Variants in MTHFD1L observed in about 807,000 individuals in gnomAD.
MTHFD1L encodes methylenetetrahydrofolate dehydrogenase (NADP+ dependent) 1 like, also known as monofunctional C1-tetrahydrofolate synthase, mitochondrial.
Under a neutral mutation model 119.5 loss-of-function variants are expected in MTHFD1L, and 81 were observed. That is an observed-to-expected ratio of 0.68 (90% CI 0.57 to 0.82). The LOEUF (loss-of-function observed/expected upper bound fraction) is 0.82. Ranked by LOEUF, MTHFD1L falls within the 40% of genes least tolerant of loss-of-function variation. MTHFD1L has a pLI of 0.00. For synonymous variants in MTHFD1L, 430 were observed against 475.2 expected (o/e 0.90, Z 1.24); for missense variants, 1,125 against 1,253.4 (o/e 0.90, Z 1.55).
intron 11 of MTHFD1L, chr6:150,935,320 A>T (rs1480992875): frequency 5.7e-5 from 92 of 1,612,440 alleles, no homozygotes; most frequent in Non-Finnish European, 7.4e-5. Context: ...TTCACAAAAT[A>T]ACTAGGATAT....
intron 21 of MTHFD1L, among the ~76,000 whole-genome samples, chr6:151,010,323 T>TA (rs1479358306): frequency 1.3e-5 from 2 of 152,204 alleles, no homozygotes; most frequent in African/African-American, 4.8e-5. Flanking sequence ...AATGGGAGGT[T>TA]AGAGGCTCTT....
At chr6:151,086,731 T>C (rs1406553847) in intron 26 of MTHFD1L, among the ~76,000 whole-genome samples, 1 of 151,924 alleles carries the variant, frequency 6.6e-6, no homozygotes, top group Non-Finnish European at 1.5e-5. Flanking sequence ...GGCTTTGCCA[T>C]ATTGCCCAGG....
At chr6:151,037,531 G>A (rs979283941) in intron 26 of MTHFD1L, among the ~76,000 whole-genome samples, 1 of 152,168 alleles carries the variant, frequency 6.6e-6, no homozygotes, top group Non-Finnish European at 1.5e-5. Flanking sequence ...CAAGGGCTGG[G>A]GAAAGCAGTC....
At chr6:150,971,713 TCA>T (rs1798021494) in intron 19 of MTHFD1L, among the ~76,000 whole-genome samples, 1 of 152,238 alleles carries the variant, frequency 6.6e-6, no homozygotes, top group South Asian at 2.1e-4. Flanking sequence ...GACTGTATTC[TCA>T]CAGTTTTGTC....
intron 20 of MTHFD1L, among the ~76,000 whole-genome samples, chr6:150,977,887 C>CAT (rs199641296): frequency 0.018 from 2,614 of 148,398 alleles, 33 homozygotes; most frequent in South Asian, 0.038. Flanking sequence ...CATATGGAGA[C>CAT]ATATATATAT....
Position 150,865,840 on chromosome 6 carries a change from G to C in MTHFD1L, c.18G>C (p.Pro6=), listed in dbSNP as rs1028114499. The change falls in exon 1 of 28, where the codon CCG becomes CCC. Residue 6 remains proline, a synonymous_variant. Transcript: ENST00000367321. The part of the protein sequence containing the change: MGTRL[P]LVLRQLRRPP... ...CCCGCGCCATGGGCACGCGTCTGCC[G>C]CTCGTCCTGCGCCAGCTCCGCCGCC... The C allele has an allele frequency of 1.8e-5, 23 of 1,259,426 alleles. No individual in the cohort carries two copies. The highest frequency in any genetic ancestry group is 6.2e-5 in the South Asian group (3 of 48,542). The allele number at this position is 1,259,426 out of a possible 1,614,324, so 78.0% of individuals were successfully genotyped here. A position where few individuals can be genotyped will look rare whatever the true frequency, so the allele number is the denominator to read the frequency against.
chr6:150,897,126 C>T (rs977958211), intron 7 of MTHFD1L, among the ~76,000 whole-genome samples: 2 of 151,688 alleles, frequency 1.3e-5, no homozygotes, highest in African/African-American at 4.8e-5. Flanking sequence ...AAAAAAAAGC[C>T]GGTTGGGGTG....
chr6:150,901,102 CT>C (rs1316324586), intron 7 of MTHFD1L, among the ~76,000 whole-genome samples: 1 of 152,100 alleles, frequency 6.6e-6, no homozygotes, highest in Non-Finnish European at 1.5e-5. Flanking sequence ...ACATCTAACT[CT>C]TTATAGAAAC....
chr6:150,867,167 C>G (rs923674831), intron 1 of MTHFD1L, among the ~76,000 whole-genome samples: 4 of 152,076 alleles, frequency 2.6e-5, no homozygotes, highest in African/African-American at 4.8e-5. Context: ...TTTAAGGGGC[C>G]ATTTATTTAG....
At chr6:150,972,567 A>G (rs1798123613) in intron 20 of MTHFD1L, among the ~76,000 whole-genome samples, 1 of 152,216 alleles carries the variant, frequency 6.6e-6, no homozygotes, top group Non-Finnish European at 1.5e-5. Context: ...GCTCGAGCCC[A>G]GGAGTTTGTG....
rs571966533 is a variant in MTHFD1L, at chr6:151,050,759, T to G, written c.2847+13642T>G. Among the ~76,000 whole-genome samples, 19 of 152,138 alleles carry G rather than the reference T, an allele frequency of 1.2e-4. 1 individual carries two copies. In the South Asian group the frequency reaches 3.3e-3, roughly 27 times the overall value. On this transcript the variant is annotated intron_variant, in intron 26 of 27. Transcript: ENST00000367321. ...CCCCATACACATTTGGTCACAGAAG[T>G]CTTCTATGTTGATGACTGTTGTGGT...
intron 26 of MTHFD1L, among the ~76,000 whole-genome samples, chr6:151,038,537 T>C (rs1332478169): frequency 6.6e-6 from 1 of 152,084 alleles, no homozygotes; most frequent in Admixed American, 6.6e-5. Context: ...GGAGCCACGG[T>C]AGGGTGGGTT....
At chr6:150,944,426 C>A in intron 13 of MTHFD1L, 60 bp from the exon 14 acceptor site, 1 of 1,301,590 alleles carries the variant, frequency 7.7e-7, no homozygotes, top group Non-Finnish European at 1.1e-6. Context: ...CCAGCCTGGG[C>A]AACAAAGCGA....
At chr6:151,057,390 C>T in intron 26 of MTHFD1L, 1 of 976,636 alleles carries the variant, frequency 1.0e-6, no homozygotes, top group Non-Finnish European at 1.2e-6. Flanking sequence ...TCTGTAATCC[C>T]AACATTTTGG....
chr6:151,096,308 C>G (rs1468154477), intron 27 of MTHFD1L, among the ~76,000 whole-genome samples: 2 of 152,188 alleles, frequency 1.3e-5, no homozygotes, highest in African/African-American at 4.8e-5. Context: ...ACCCACCCCC[C>G]AATCCAAGGC....
Position 151,063,931 on chromosome 6 carries a change from A to G in MTHFD1L, c.2847+26814A>G, listed in dbSNP as rs116962297. 1.1e-3 allele frequency among the ~76,000 whole-genome samples: 162 copies of G among 151,550 alleles called. 3 individuals are homozygous for G. In the East Asian group the frequency reaches 0.012, roughly 11 times the overall value. ...AGTATAATATTATAGTTGCTGCAGG[A>G]AGTTATGAGCATTTCTGGAAGTGCT... is the stretch of plus-strand genomic sequence containing the variant. On this transcript the variant is annotated intron_variant, in intron 26 of 27. Coordinates refer to ENST00000367321, the MANE Select transcript of MTHFD1L (RefSeq NM_015440.5).
At chr6:150,866,295 A>C in intron 1 of MTHFD1L, 1 of 1,473,990 alleles carries the variant, frequency 6.8e-7, no homozygotes, top group Non-Finnish European at 8.9e-7. Flanking sequence ...GGGCATCTCC[A>C]ATGGGCGCCT....
At chr6:151,045,689 G>A (rs558338729) in intron 26 of MTHFD1L, among the ~76,000 whole-genome samples, 3 of 152,198 alleles carry the variant, frequency 2.0e-5, no homozygotes, top group South Asian at 4.2e-4. Context: ...GATCCTGGTG[G>A]TTTCCTCCTC....
chr6:150,890,209 T>TAA (rs919493937), intron 7 of MTHFD1L, among the ~76,000 whole-genome samples: 1 of 152,060 alleles, frequency 6.6e-6, no homozygotes, highest in Non-Finnish European at 1.5e-5. Context: ...TATATATATA[T>TAA]AATAGACAAA....
Sources: gnomAD v4.1 joint callset for allele counts (sites outside exome capture counted in the v4.1 genomes callset) on GRCh38, gnomAD v4.1.1 for gene constraint, MANE v1.5 for transcripts, NCBI Gene and HGNC (gene_info 2026-07-23, HGNC 2026-07-21) for gene names.